SLC6A11: variants seen among roughly 807,000 people sequenced by gnomAD.
SLC6A11 encodes the protein sodium- and chloride-dependent GABA transporter 3.
A neutral mutation model predicts 74.8 loss-of-function variants in SLC6A11; 25 were observed. The ratio of observed to expected loss-of-function variants is 0.33; its 90% CI spans 0.24 to 0.47. SLC6A11 has a LOEUF of 0.47. Ranked by LOEUF, SLC6A11 falls within the 20% of genes least tolerant of loss-of-function variation. The pLI is 1.00. For synonymous variants in SLC6A11, 330 were observed against 330.2 expected (o/e 1.00, Z 0.01); for missense variants, 574 against 837.0 (o/e 0.69, Z 3.88).
At chr3:10,821,986 C>T (rs1197584949) in intron 3 of SLC6A11, among the ~76,000 whole-genome samples, 1 of 152,200 alleles carries the variant, frequency 6.6e-6, no homozygotes, top group East Asian at 1.9e-4. Context: ...CACCTCCTTT[C>T]AGAACATAGT....
rs1553671319 is a variant in SLC6A11 at position 10,873,991 on chromosome 3, C to CGCTACGCTACGCTAT, written c.757-966_757-965insCGCTACGCTATGCTA. Among the ~76,000 whole-genome samples, 22 of 136,472 alleles carry CGCTACGCTACGCTAT rather than the reference C, an allele frequency of 1.6e-4. 1 individual carries two copies. The East Asian group carries it at 2.9e-3, about 18-fold the overall frequency. The allele number at this position is 136,472 out of a possible 152,430, so 89.5% of individuals were successfully genotyped here. On this transcript the variant is annotated intron_variant, in intron 5 of 13. Transcript: ENST00000254488. ...TGCTATGCTACGCTACGCTACGCTA[C>CGCTACGCTACGCTAT]GCTATGCTATGCTATGCTATGCTAT...
intron 6 of SLC6A11, among the ~76,000 whole-genome samples, chr3:10,881,060 T>C (rs899816235): frequency 4.6e-5 from 7 of 152,170 alleles, no homozygotes; most frequent in Non-Finnish European, 1.0e-4. Context: ...TTGTTGGTAA[T>C]CATCTGAGTA....
Position 10,903,813 on chromosome 3 carries a change from C to T in SLC6A11, c.892-8277C>T, listed in dbSNP as rs181764201. On this transcript the variant is annotated intron_variant, in intron 6 of 13. Transcript: ENST00000254488. Reference sequence around the variant, plus strand: ...AAGGTTTGTTTCACAAATGTTATTTCAACTTCTGTGTGTGAGAGAGACATG... The same window carrying T: ...AAGGTTTGTTTCACAAATGTTATTTTAACTTCTGTGTGTGAGAGAGACATG... 1.1e-3 allele frequency among the ~76,000 whole-genome samples: 166 copies of T among 152,308 alleles called. 10 individuals are homozygous for T. In the East Asian group the frequency reaches 0.021, roughly 20 times the overall value.
chr3:10,886,319 G>A (rs1018076254), intron 6 of SLC6A11, among the ~76,000 whole-genome samples: 23 of 152,140 alleles, frequency 1.5e-4, no homozygotes, highest in East Asian at 1.2e-3. Flanking sequence ...ACTGCTCCCC[G>A]TGGCCATGGT....
At chr3:10,867,574 A>C (rs1694780653) in intron 5 of SLC6A11, among the ~76,000 whole-genome samples, 1 of 152,240 alleles carries the variant, frequency 6.6e-6, no homozygotes. Flanking sequence ...GATAGCTCCA[A>C]GGAGTCCTGG....
intron 6 of SLC6A11, among the ~76,000 whole-genome samples, chr3:10,895,959 GC>G (rs1695166587): frequency 6.6e-6 from 1 of 152,238 alleles, no homozygotes; most frequent in African/African-American, 2.4e-5. Context: ...CTTCTCGAAG[GC>G]CCATGATGAG....
At chr3:10,861,317 A>C (rs1037255499) in intron 5 of SLC6A11, among the ~76,000 whole-genome samples, 3 of 152,334 alleles carry the variant, frequency 2.0e-5, no homozygotes, top group African/African-American at 7.2e-5. Context: ...AGAGTTCAAG[A>C]CCAGTCTGAG....
In SLC6A11 at chr3:10,816,670, G is replaced by T; in HGVS notation, c.256+149G>T. 1 of 851,680 alleles carries T rather than the reference G, an allele frequency of 1.2e-6. No homozygotes were observed. 52.8% of individuals were successfully genotyped at this position (851,680 alleles called of 1,614,324 possible). A position where few individuals can be genotyped will look rare whatever the true frequency, so the allele number is the denominator to read the frequency against. On this transcript the variant is annotated intron_variant, in intron 1 of 13. Transcript: ENST00000254488. The surrounding 1 kb of genome is among the most constrained non-coding windows in gnomAD (Gnocchi z 4.2). ...CTCCAGGCACCTCGCGTGTGAGCTC[G>T]CCCCGGAGCGCGGCCCACCTGTGCC...
chr3:10,933,104 G>A (rs1405871366), intron 10 of SLC6A11, 47 bp from the exon 11 acceptor site: 23 of 1,367,496 alleles, frequency 1.7e-5, no homozygotes, highest in African/African-American at 4.3e-5. Context: ...CTGCTCTCCC[G>A]TGTGTCCGTT....
intron 5 of SLC6A11, among the ~76,000 whole-genome samples, chr3:10,850,889 G>A (rs1434646207): frequency 6.6e-6 from 1 of 152,154 alleles, no homozygotes; most frequent in Non-Finnish European, 1.5e-5. Context: ...GGACCAGGGA[G>A]GAGGTGGCAG....
chr3:10,839,185 A>C (rs1392376448), intron 4 of SLC6A11, among the ~76,000 whole-genome samples: 2 of 152,102 alleles, frequency 1.3e-5, no homozygotes, highest in African/African-American at 2.4e-5. Context: ...GAACTAGCCC[A>C]GTTACACCAA....
chr3:10,882,313 C>CT (rs1299119777), intron 6 of SLC6A11, among the ~76,000 whole-genome samples: 3 of 152,170 alleles, frequency 2.0e-5, no homozygotes, highest in Non-Finnish European at 4.4e-5. Flanking sequence ...GTTTGAAAGT[C>CT]TAACGGGGTG....
In SLC6A11 at chr3:10,926,031, C is replaced by A; in HGVS notation, c.1148C>A (p.Pro383His). The change falls in exon 9 of 14, where the codon CCC becomes CAC. Residue 383 changes from proline (P) to histidine (H), a missense_variant. Transcript: ENST00000254488. This position sits in a 1 kb window ranked among gnomAD's most constrained non-coding sequence, Gnocchi z 5.7. Reference protein sequence around the residue: ...SGPGLAFIAYPKAVTMMPLSP... With the variant: ...SGPGLAFIAYHKAVTMMPLSP... Reference sequence around the variant, plus strand: ...CCCGGCCTGGCCTTTATTGCGTACCCCAAGGCGGTCACCATGATGCCTCTC... The same window carrying A: ...CCCGGCCTGGCCTTTATTGCGTACCACAAGGCGGTCACCATGATGCCTCTC... 6.2e-7 allele frequency: 1 copy of A among 1,613,234 alleles called. No individual in the cohort carries two copies.
At chr3:10,845,478 A>C (rs760887810) in intron 5 of SLC6A11, among the ~76,000 whole-genome samples, 1 of 152,210 alleles carries the variant, frequency 6.6e-6, no homozygotes, top group Non-Finnish European at 1.5e-5. Context: ...GCAGTTGCTC[A>C]TAAACTCTAA....
In SLC6A11 at chr3:10,896,564, C is replaced by G. The variant is rs60781962; in HGVS notation, c.892-15526C>G. ...AGATTTTATACTTGCTCTTCTTTCT[C>G]TCTTGACCCGTGGAAAACTTCTACC... is the stretch of plus-strand genomic sequence containing the variant. On this transcript the variant is annotated intron_variant, in intron 6 of 13. Transcript: ENST00000254488. Among the ~76,000 whole-genome samples the G allele has an allele frequency of 6.4e-3, 969 of 152,318 alleles. 8 individuals carry two copies. The highest frequency in any genetic ancestry group is 0.048 in the East Asian group (251 of 5,176).
chr3:10,816,901 A>G lies in SLC6A11; in HGVS notation c.256+380A>G, dbSNP rs1280973005. 3.3e-5 allele frequency among the ~76,000 whole-genome samples: 5 copies of G among 152,208 alleles called. No homozygotes were observed. Among genetic ancestry groups the G allele is most frequent in the Admixed American group, 1.3e-4 (2 of 15,284 alleles). On this transcript the variant is annotated intron_variant, in intron 1 of 13. Transcript: ENST00000254488. This position sits in a 1 kb window ranked among gnomAD's most constrained non-coding sequence, Gnocchi z 4.2. ...ACGGCCTGTGGGGAAGGGACTCCTGATGATCAAAGTGGTCTCAGTTTTTGC... is the reference window on the plus strand; with the variant it reads ...ACGGCCTGTGGGGAAGGGACTCCTGGTGATCAAAGTGGTCTCAGTTTTTGC...
At chr3:10,824,965 C>G (rs1293032590) in intron 4 of SLC6A11, 1 of 152,200 alleles carries the variant, frequency 6.6e-6, no homozygotes, top group Non-Finnish European at 1.5e-5. Context: ...GGGCGGATCA[C>G]CTGAGGTCAG....
At chr3:10,846,506 C>T (rs566126359) in intron 5 of SLC6A11, among the ~76,000 whole-genome samples, 9 of 152,226 alleles carry the variant, frequency 5.9e-5, no homozygotes, top group Admixed American at 2.0e-4. Context: ...GCTGCAGGCT[C>T]CAGGCTGTGG....
chr3:10,895,774 C>T (rs571352037), intron 6 of SLC6A11, among the ~76,000 whole-genome samples: 15 of 150,170 alleles, frequency 1.0e-4, no homozygotes, highest in Non-Finnish European at 2.1e-4. Context: ...GGGCAGCTTG[C>T]GTGGCTTCTC....
Sources: gnomAD v4.1 joint callset for allele counts (sites outside exome capture counted in the v4.1 genomes callset) on GRCh38, gnomAD v4.1.1 for gene constraint, Gnocchi (gnomAD v3.1) non-coding constraint, MANE v1.5 for transcripts, NCBI Gene and HGNC (gene_info 2026-07-23, HGNC 2026-07-21) for gene names.